PHACTR1: variants seen among roughly 807,000 people sequenced by gnomAD.
PHACTR1 encodes the protein RPEL repeat containing 1.
Under a neutral mutation model 69.2 loss-of-function variants are expected in PHACTR1, and 16 were observed. The ratio of observed to expected loss-of-function variants is 0.23; its 90% CI spans 0.16 to 0.35. The LOEUF (loss-of-function observed/expected upper bound fraction) is 0.35. Among genes scored for constraint, PHACTR1 ranks in the 10% least tolerant of loss-of-function variants. The pLI, the probability that PHACTR1 is intolerant of heterozygous loss-of-function variation, is 1.00. For synonymous variants in PHACTR1, 312 were observed against 284.5 expected (o/e 1.10, Z -0.97); for missense variants, 510 against 734.7 (o/e 0.69, Z 3.54).
chr6:12,819,613 A>C (rs1308068267), intron 4 of PHACTR1, among the ~76,000 whole-genome samples: 2 of 152,202 alleles, frequency 1.3e-5, no homozygotes, highest in African/African-American at 4.8e-5. Context: ...GTCTATCCCA[A>C]GAAGTGTTGT....
intron 4 of PHACTR1, among the ~76,000 whole-genome samples, chr6:12,848,843 G>T (rs977949408): frequency 1.3e-5 from 2 of 151,952 alleles, no homozygotes; most frequent in Non-Finnish European, 2.9e-5. Context: ...TTTAAGAAAG[G>T]GTTGTAAATT....
chr6:12,856,251 C>CTTTTTTTTT (rs201867496), intron 4 of PHACTR1, among the ~76,000 whole-genome samples: 83 of 95,298 alleles, frequency 8.7e-4, no homozygotes, highest in African/African-American at 2.3e-3. Flanking sequence ...TTCTTTCTTT[C>CTTTTTTTTT]TTTCTTTTTT....
At chr6:12,957,686 C>T in intron 4 of PHACTR1, 1 of 985,460 alleles carries the variant, frequency 1.0e-6, no homozygotes, top group Non-Finnish European at 1.2e-6. Flanking sequence ...ATCGTGGAGG[C>T]GGTTTTAGGT....
chr6:12,994,473 T>C lies in PHACTR1; in HGVS notation c.251-58892T>C, dbSNP rs907980700. On this transcript the variant is annotated intron_variant, in intron 4 of 14. Coordinates refer to ENST00000332995, the MANE Select transcript of PHACTR1 (RefSeq NM_030948.6). ...GGGTGTGGAAAAAATTAGAGATCAG[T>C]TCAAAGAAGACTCAGGAAAAAAATT... 3.9e-5 allele frequency among the ~76,000 whole-genome samples: 6 copies of C among 152,222 alleles called. No individual in the cohort carries two copies. In the East Asian group the frequency reaches 1.2e-3, roughly 29 times the overall value.
At chr6:13,271,701 T>G (rs1216089233) in intron 10 of PHACTR1, among the ~76,000 whole-genome samples, 1 of 152,060 alleles carries the variant, frequency 6.6e-6, no homozygotes, top group Non-Finnish European at 1.5e-5. Context: ...TTTGTTTGTT[T>G]TTTTTTTTAA....
At chr6:13,277,414 C>T (rs1441659313) in intron 11 of PHACTR1, among the ~76,000 whole-genome samples, 1 of 152,220 alleles carries the variant, frequency 6.6e-6, no homozygotes, top group East Asian at 1.9e-4. Context: ...TCGATGGAAT[C>T]AGGGCTTGTG....
chr6:13,030,691 G>A (rs1157177292), intron 4 of PHACTR1, among the ~76,000 whole-genome samples: 2 of 152,210 alleles, frequency 1.3e-5, no homozygotes, highest in Admixed American at 1.3e-4. Flanking sequence ...ATGTGAAACA[G>A]CTGTCTGTTG....
chr6:12,736,404 T>G (rs1764258081), intron 3 of PHACTR1, among the ~76,000 whole-genome samples: 1 of 152,314 alleles, frequency 6.6e-6, no homozygotes, highest in East Asian at 1.9e-4. Context: ...AATTTATCTA[T>G]ACAACCCAGA....
At chr6:12,740,029 A>G (rs548963030) in intron 3 of PHACTR1, among the ~76,000 whole-genome samples, 2 of 152,286 alleles carry the variant, frequency 1.3e-5, no homozygotes, top group South Asian at 2.1e-4. Context: ...CCAACCTTCT[A>G]TTATGGTATA....
chr6:12,960,673 G>C (rs915203618), intron 4 of PHACTR1, among the ~76,000 whole-genome samples: 1 of 152,170 alleles, frequency 6.6e-6, no homozygotes, highest in African/African-American at 2.4e-5. Flanking sequence ...TAGTGGGTTT[G>C]ATTTTTCCTG....
At chr6:13,226,776 T>G (rs1247388109) in intron 8 of PHACTR1, among the ~76,000 whole-genome samples, 1 of 151,454 alleles carries the variant, frequency 6.6e-6, no homozygotes, top group Non-Finnish European at 1.5e-5. Flanking sequence ...TCTCGCTCTG[T>G]TGCCAGGCTG....
chr6:13,053,330 CTCTT>C, intron 4 of PHACTR1, 31 bp from the exon 5 acceptor site: 1 of 1,559,164 alleles, frequency 6.4e-7, no homozygotes, highest in Non-Finnish European at 8.7e-7. Context: ...CTTTTTTTCT[CTCTT>C]TGTTTTCATC....
intron 4 of PHACTR1, among the ~76,000 whole-genome samples, chr6:12,877,676 T>C (rs1782676521): frequency 6.6e-6 from 1 of 152,186 alleles, no homozygotes; most frequent in Admixed American, 6.5e-5. Flanking sequence ...CCACCTCTTC[T>C]TGGATGATCT....
At chr6:12,906,744 C>T (rs1404496719) in intron 4 of PHACTR1, among the ~76,000 whole-genome samples, 3 of 152,130 alleles carry the variant, frequency 2.0e-5, no homozygotes, top group Admixed American at 2.0e-4. Flanking sequence ...CACTTCATGA[C>T]CTTTGAATGG....
chr6:12,766,874 T>C lies in PHACTR1; in HGVS notation c.250+17084T>C, dbSNP rs144496301. Among the ~76,000 whole-genome samples, 17 of 152,334 alleles carry C rather than the reference T, an allele frequency of 1.1e-4. No individual in the cohort carries two copies. The East Asian group carries it at 3.3e-3, about 29-fold the overall frequency. On this transcript the variant is annotated intron_variant, in intron 4 of 14. Coordinates refer to ENST00000332995, the MANE Select transcript of PHACTR1 (RefSeq NM_030948.6). Reference sequence around the variant, plus strand: ...ATCTAGAAGCGTGTTGATAGGTAACTTTATTATTGCTTTACTGCTATTTTA... The same window carrying C: ...ATCTAGAAGCGTGTTGATAGGTAACCTTATTATTGCTTTACTGCTATTTTA...
At chr6:13,238,450 T>C (rs1359552964) in intron 10 of PHACTR1, among the ~76,000 whole-genome samples, 1 of 152,182 alleles carries the variant, frequency 6.6e-6, no homozygotes, top group Non-Finnish European at 1.5e-5. Flanking sequence ...ATATGCTAGA[T>C]AGAAAAAGTA....
chr6:12,903,463 C>T (rs560332351), intron 4 of PHACTR1, among the ~76,000 whole-genome samples: 2 of 152,324 alleles, frequency 1.3e-5, no homozygotes, highest in South Asian at 4.1e-4. Flanking sequence ...ATTTCACTTC[C>T]TTACAAGGGC....
At chr6:12,836,070 A>G (rs1167944030) in intron 4 of PHACTR1, among the ~76,000 whole-genome samples, 1 of 152,158 alleles carries the variant, frequency 6.6e-6, no homozygotes, top group African/African-American at 2.4e-5. Context: ...AACAATAATA[A>G]TGGTTGCAAT....
intron 8 of PHACTR1, among the ~76,000 whole-genome samples, chr6:13,219,291 GGGAAAATGA>G (rs1426358188): frequency 6.6e-6 from 1 of 152,154 alleles, no homozygotes. Flanking sequence ...CATCCTCTAG[GGGAAAATGA>G]GGATGAAACA....
Sources: gnomAD v4.1 joint callset for allele counts (sites outside exome capture counted in the v4.1 genomes callset) on GRCh38, gnomAD v4.1.1 for gene constraint, MANE v1.5 for transcripts, NCBI Gene and HGNC (gene_info 2026-07-23, HGNC 2026-07-21) for gene names.